The following HNRNPCL2 variants were observed in gnomAD, a reference collection of about 807,000 sequenced individuals.
HNRNPCL2 encodes heterogeneous nuclear ribonucleoprotein C like 2.
HNRNPCL2 carries 17 observed loss-of-function variants against 18.2 expected under a neutral mutation model. The observed-to-expected ratio is 0.94, with a 90% CI of 0.64 to 1.40. The LOEUF is 1.40. Among genes scored for constraint, HNRNPCL2 ranks in the 40% most tolerant of loss-of-function variants. The pLI is 0.00. For synonymous variants in HNRNPCL2, 133 were observed against 129.9 expected (o/e 1.02, Z -0.16); for missense variants, 358 against 357.1 (o/e 1.00, Z -0.02).
In HNRNPCL2 at chr1:13,116,282, T is replaced by C. The variant is rs1642825842; in HGVS notation, c.119A>G (p.Tyr40Cys). 1 of 1,612,260 alleles carries C rather than the reference T, an allele frequency of 6.2e-7. No individual in the cohort carries two copies. The highest frequency in any genetic ancestry group is 1.3e-5 in the African/African-American group (1 of 74,416). ...AACAGAGCAGCCCGCAATTTTGCCA[T>C]ACTTGGAAAAGATCGCCTCCACATC... Reference protein sequence around the residue: ...KSDVEAIFSKYGKIAGCSVHK... With the variant: ...KSDVEAIFSKCGKIAGCSVHK... The change falls in exon 2 of 2, where the codon TAT (tyrosine) becomes TGT (cysteine). Residue 40 changes from tyrosine (Y) to cysteine (C), a missense_variant. Transcript: ENST00000621994.
Position 13,116,011 on chromosome 1 carries a change from T to A in HNRNPCL2, c.390A>T (p.Val130=), listed in dbSNP as rs1172668374. Residue 130 remains valine (V), a synonymous_variant, in exon 2 of 2, where the codon GTA becomes GTT. Transcript: ENST00000621994. ...CCAGAGCAATGGGAGGAGGAGGAGG[T>A]ACACGTGCTGGGAAACTGTACATCC... ...YDGMYSFPAR[V]PPPPPIALAV... The A allele has an allele frequency of 2.5e-6, 4 of 1,612,962 alleles. No individual in the cohort carries two copies. Among genetic ancestry groups the A allele is most frequent in the Non-Finnish European group, 2.5e-6 (3 of 1,179,760 alleles).
rs375436512 is a variant in HNRNPCL2, at chr1:13,116,331, T to C, written c.70A>G (p.Asn24Asp). 360 of 1,612,984 alleles carry C rather than the reference T, an allele frequency of 2.2e-4. 3 individuals are homozygous for C. Among genetic ancestry groups the C allele is most frequent in the Non-Finnish European group, 2.9e-4 (342 of 1,179,708 alleles). ...TCAGATTTCTTGACAACAAGAGTGT[T>C]GAGATTCCCAATGAACACACGGGAG... ...VNSRVFIGNLNTLVVKKSDVE... is the reference protein window; with the variant it reads ...VNSRVFIGNLDTLVVKKSDVE... The change falls in exon 2 of 2, where the codon AAC becomes GAC. Residue 24 changes from asparagine to aspartate, a missense_variant. Transcript: ENST00000621994.
At position 13,115,870 on chromosome 1, in the gene HNRNPCL2, T is replaced by A. The variant is rs773914753; in HGVS notation, c.531A>T (p.Gly177=). 2.5e-4 allele frequency: 396 copies of A among 1,612,426 alleles called. 9 individuals are homozygous for A. The African/African-American group carries it at 3.1e-3, about 13-fold the overall frequency. The change falls in exon 2 of 2, where the codon GGA becomes GGT. Residue 177 remains glycine, a synonymous_variant. Coordinates refer to ENST00000621994, the MANE Select transcript of HNRNPCL2 (RefSeq NM_001136561.3). ...CCTGCTTAATGGCCTGAAGGTCATC[T>A]CCTTTCAGCTTTCCAGACTTGGAAG... ...RGSSKSGKLK[G]DDLQAIKQEL...
chr1:13,115,489 G>A lies in HNRNPCL2; in HGVS notation c.*30C>T. 11 of 1,536,338 alleles carry A rather than the reference G, an allele frequency of 7.2e-6. 1 individual carries two copies. The highest frequency in any genetic ancestry group is 2.3e-5 in the East Asian group (1 of 44,392). On this transcript the variant is annotated 3_prime_UTR_variant, in exon 2 of 2. Transcript: ENST00000621994. Reference sequence around the variant, plus strand: ...ACAAGCTCCTAGGTAAAGAAACAATGGGATAAGATTTCTCAACCCCACTAT... The same window carrying A: ...ACAAGCTCCTAGGTAAAGAAACAATAGGATAAGATTTCTCAACCCCACTAT...
In HNRNPCL2 at chr1:13,115,687, C is replaced by T. The variant is rs774175002; in HGVS notation, c.714G>A (p.Met238Ile). ...SMKKDETHVK[M>I]ESEGGAEDSA... ...AGTCTTCTGCACCCCCCTCAGACTCCATCTTTACATGAGTCTCATCTTTCT... is the reference window on the plus strand; with the variant it reads ...AGTCTTCTGCACCCCCCTCAGACTCTATCTTTACATGAGTCTCATCTTTCT... The change falls in exon 2 of 2, where the codon ATG (methionine) becomes ATA (isoleucine). Residue 238 changes from methionine to isoleucine, a missense_variant. Met to Ile is a conservative substitution (Grantham distance 10). Transcript: ENST00000621994. 1.9e-6 allele frequency: 3 copies of T among 1,613,502 alleles called. No homozygotes were observed. Among genetic ancestry groups the T allele is most frequent in the Non-Finnish European group, 2.5e-6 (3 of 1,179,978 alleles).
rs1642812923 is a variant in HNRNPCL2 at position 13,115,855 on chromosome 1, G to A, written c.546C>T (p.Ala182=). The A allele has an allele frequency of 2.5e-6, 4 of 1,612,824 alleles. No individual in the cohort carries two copies. The African/African-American group carries it at 5.4e-5, about 22-fold the overall frequency. The change falls in exon 2 of 2, where the codon GCC becomes GCT. Residue 182 remains alanine (A), a synonymous_variant. Transcript: ENST00000621994. ...SGKLKGDDLQ[A]IKQELTQIKQ... Reference sequence around the variant, plus strand: ...TTATCTGGGTCAACTCCTGCTTAATGGCCTGAAGGTCATCTCCTTTCAGCT... The same window carrying A: ...TTATCTGGGTCAACTCCTGCTTAATAGCCTGAAGGTCATCTCCTTTCAGCT...
Position 13,116,259 on chromosome 1 carries a change from C to A in HNRNPCL2, c.142G>T (p.Val48Phe). Residue 48 changes from valine (V) to phenylalanine (F), a missense_variant, in exon 2 of 2, where the codon GTT (valine) becomes TTT (phenylalanine). Transcript: ENST00000621994. The stretch of plus-strand genomic sequence containing the variant: ...TGAACGAAGGCAAAGCCCTTATGAA[C>A]AGAGCAGCCCGCAATTTTGCCATAC... ...SKYGKIAGCS[V>F]HKGFAFVQYD... 6.2e-7 allele frequency: 1 copy of A among 1,612,622 alleles called. No individual in the cohort carries two copies. The highest frequency in any genetic ancestry group is 8.5e-7 in the Non-Finnish European group (1 of 1,179,706).
Position 13,116,467 on chromosome 1 carries a change from C to G in HNRNPCL2, c.-67G>C. On this transcript the variant is annotated 5_prime_UTR_variant, in exon 2 of 2. Transcript: ENST00000621994. ...GGCGGGAGGGAGAAGAGATTCGATT[C>G]TAAGTCTCCTACTGCCGGGTTCTAC... 3.3e-6 allele frequency: 5 copies of G among 1,536,740 alleles called. No homozygotes were observed. The highest frequency in any genetic ancestry group is 4.4e-6 in the Non-Finnish European group (5 of 1,143,794).
In HNRNPCL2 at chr1:13,116,460, T is replaced by C; in HGVS notation, c.-60A>G. ...AACAGGAGGCGGGAGGGAGAAGAGA[T>C]TCGATTCTAAGTCTCCTACTGCCGG... On this transcript the variant is annotated 5_prime_UTR_variant, in exon 2 of 2. Transcript: ENST00000621994. The C allele has an allele frequency of 6.5e-7, 1 of 1,546,312 alleles. No individual in the cohort carries two copies. The highest frequency in any genetic ancestry group is 8.7e-7 in the Non-Finnish European group (1 of 1,148,472).
chr1:13,115,724 C>T lies in HNRNPCL2; in HGVS notation c.677G>A (p.Ser226Asn). The change falls in exon 2 of 2, where the codon AGT becomes AAT. Residue 226 changes from serine (S) to asparagine (N), a missense_variant. By Grantham distance (46) the Ser-to-Asn change is conservative. Coordinates refer to ENST00000621994, the MANE Select transcript of HNRNPCL2 (RefSeq NM_001136561.3). ...KNAKSEEEQS[S>N]SSMKKDETHV... ...AGTCTCATCTTTCTTCATGGAGCTA[C>T]TGCTCTGCTCCTCTTCTGACTTAGC... 1 of 1,613,630 alleles carries T rather than the reference C, an allele frequency of 6.2e-7. No individual in the cohort carries two copies. The highest frequency in any genetic ancestry group is 1.1e-5 in the South Asian group (1 of 91,072).
At position 13,115,634 on chromosome 1, in the gene HNRNPCL2, T is replaced by C. The variant is rs1642804586; in HGVS notation, c.767A>G (p.Asp256Gly). Residue 256 changes from aspartate to glycine, a missense_variant, in exon 2 of 2, where the codon GAT becomes GGT. Transcript: ENST00000621994. ...GTCCCCCTGATCTTCATTATCATCA[T>C]CATCCAGTGGGTCCCCCTCCTCAGC... ...DSAEEGDPLD[D>G]DDNEDQGDNQ... The C allele has an allele frequency of 1.2e-6, 2 of 1,613,600 alleles. No individual in the cohort carries two copies. The highest frequency in any genetic ancestry group is 2.7e-5 in the African/African-American group (2 of 74,572).
Position 13,115,940 on chromosome 1 carries a change from C to A in HNRNPCL2, c.461G>T (p.Arg154Leu), listed in dbSNP as rs757305803. The change falls in exon 2 of 2, where the codon CGA becomes CTA. Residue 154 changes from arginine to leucine, a missense_variant. Coordinates refer to ENST00000621994, the MANE Select transcript of HNRNPCL2 (RefSeq NM_001136561.3). ...KRQRISGNTS[R>L]RGKSGFNSKS... ...AGAATTGAAGCCACTTTTGCCCCTT[C>A]GTGAGGTGTTTCCTGATATGCGCTG... The A allele has an allele frequency of 6.2e-7, 1 of 1,612,968 alleles. No individual in the cohort carries two copies. The highest frequency in any genetic ancestry group is 1.1e-5 in the South Asian group (1 of 91,028).
At position 13,115,676 on chromosome 1, in the gene HNRNPCL2, C is replaced by T; in HGVS notation, c.725G>A (p.Gly242Glu). 2 of 1,613,570 alleles carry T rather than the reference C, an allele frequency of 1.2e-6. No homozygotes were observed. Among genetic ancestry groups the T allele is most frequent in the Non-Finnish European group, 1.7e-6 (2 of 1,179,958 alleles). The change falls in exon 2 of 2, where the codon GGG becomes GAG. Residue 242 changes from glycine to glutamate, a missense_variant. Transcript: ENST00000621994. ...CTCCTCAGCAGAGTCTTCTGCACCCCCCTCAGACTCCATCTTTACATGAGT... is the reference window on the plus strand; with the variant it reads ...CTCCTCAGCAGAGTCTTCTGCACCCTCCTCAGACTCCATCTTTACATGAGT... ...DETHVKMESEGGAEDSAEEGD... is the reference protein window; with the variant it reads ...DETHVKMESEEGAEDSAEEGD...
chr1:13,115,982 A>G lies in HNRNPCL2; in HGVS notation c.419T>C (p.Val140Ala), dbSNP rs747755353. 6.2e-7 allele frequency: 1 copy of G among 1,613,256 alleles called. No homozygotes were observed. Among genetic ancestry groups the G allele is most frequent in the Admixed American group, 1.7e-5 (1 of 59,950 alleles). ...TATGCGCTGGCGTTTCGAGGGCACTACAGCCAGAGCAATGGGAGGAGGAGG... is the reference window on the plus strand; with the variant it reads ...TATGCGCTGGCGTTTCGAGGGCACTGCAGCCAGAGCAATGGGAGGAGGAGG... ...VPPPPPIALA[V>A]VPSKRQRISG... Residue 140 changes from valine to alanine, a missense_variant, in exon 2 of 2, where the codon GTA becomes GCA. Coordinates refer to ENST00000621994, the MANE Select transcript of HNRNPCL2 (RefSeq NM_001136561.3).
Position 13,115,787 on chromosome 1 carries a change from T to C in HNRNPCL2, c.614A>G (p.Glu205Gly). The part of the protein sequence containing the change: ...DSLLENLEKI[E>G]KEQSKQEVEV... ...TACCTCTTGTTTGCTCTGTTCCTTT[T>C]CAATTTTTTCCAGGTTTTCCAGGAG... The change falls in exon 2 of 2, where the codon GAA becomes GGA. Residue 205 changes from glutamate to glycine, a missense_variant. Transcript: ENST00000621994. The C allele has an allele frequency of 6.2e-7, 1 of 1,613,552 alleles. No individual in the cohort carries two copies. The highest frequency in any genetic ancestry group is 8.5e-7 in the Non-Finnish European group (1 of 1,179,934).
Position 13,116,269 on chromosome 1 carries a change from C to T in HNRNPCL2, c.132G>A (p.Ala44=). 3 of 1,612,410 alleles carry T rather than the reference C, an allele frequency of 1.9e-6. No homozygotes were observed. Among genetic ancestry groups the T allele is most frequent in the Admixed American group, 1.7e-5 (1 of 59,792 alleles). The change falls in exon 2 of 2, where the codon GCG becomes GCA. Residue 44 remains alanine, a synonymous_variant. Transcript: ENST00000621994. ...CAAAGCCCTTATGAACAGAGCAGCC[C>T]GCAATTTTGCCATACTTGGAAAAGA... The part of the protein sequence containing the change: ...EAIFSKYGKI[A]GCSVHKGFAF...
Position 13,115,782 on chromosome 1 carries a change from C to G in HNRNPCL2, c.619G>C (p.Glu207Gln), listed in dbSNP as rs772029086. 1 of 1,613,476 alleles carries G rather than the reference C, an allele frequency of 6.2e-7. No homozygotes were observed. The highest frequency in any genetic ancestry group is 1.7e-5 in the Admixed American group (1 of 59,978). ...LLENLEKIEK[E>Q]QSKQEVEVKN... ...ACCTCTACCTCTTGTTTGCTCTGTT[C>G]CTTTTCAATTTTTTCCAGGTTTTCC... Residue 207 changes from glutamate (E) to glutamine (Q), a missense_variant, in exon 2 of 2, where the codon GAA (glutamate) becomes CAA (glutamine). Glu to Gln is a conservative substitution (Grantham distance 29, BLOSUM62 2). Coordinates refer to ENST00000621994, the MANE Select transcript of HNRNPCL2 (RefSeq NM_001136561.3).
In HNRNPCL2 at chr1:13,115,661, G is replaced by C. The variant is rs1223399757; in HGVS notation, c.740C>G (p.Ser247Cys). Residue 247 changes from serine to cysteine, a missense_variant, in exon 2 of 2, where the codon TCT becomes TGT. Coordinates refer to ENST00000621994, the MANE Select transcript of HNRNPCL2 (RefSeq NM_001136561.3). ...ATCCAGTGGGTCCCCCTCCTCAGCAGAGTCTTCTGCACCCCCCTCAGACTC... is the reference window on the plus strand; with the variant it reads ...ATCCAGTGGGTCCCCCTCCTCAGCACAGTCTTCTGCACCCCCCTCAGACTC... ...KMESEGGAED[S>C]AEEGDPLDDD... 6.2e-7 allele frequency: 1 copy of C among 1,613,604 alleles called. No homozygotes were observed.
At position 13,115,707 on chromosome 1, in the gene HNRNPCL2, C is replaced by T. The variant is rs757549590; in HGVS notation, c.694G>A (p.Asp232Asn). Residue 232 changes from aspartate to asparagine, a missense_variant, in exon 2 of 2, where the codon GAT becomes AAT. Physicochemically the swap from Asp to Asn is conservative, Grantham distance 23. Coordinates refer to ENST00000621994, the MANE Select transcript of HNRNPCL2 (RefSeq NM_001136561.3). ...GACTCCATCTTTACATGAGTCTCAT[C>T]TTTCTTCATGGAGCTACTGCTCTGC... ...EEQSSSSMKK[D>N]ETHVKMESEG... The T allele has an allele frequency of 1.2e-6, 2 of 1,612,878 alleles. No individual in the cohort carries two copies. The highest frequency in any genetic ancestry group is 2.2e-5 in the South Asian group (2 of 91,022).
Sources: gnomAD v4.1 joint callset for allele counts on GRCh38, gnomAD v4.1.1 for gene constraint, MANE v1.5 for transcripts, NCBI Gene and HGNC (gene_info 2026-07-23, HGNC 2026-07-21) for gene names.